SPEF2: variants seen among roughly 807,000 people sequenced by gnomAD.
SPEF2 encodes the protein sperm flagellar and cilia associated 2, also known as sperm flagella and cilia-associated protein 2.
SPEF2 carries 187 observed loss-of-function variants against 224.6 expected under a neutral mutation model. The ratio of observed to expected loss-of-function variants is 0.83; its 90% CI spans 0.74 to 0.94. The LOEUF is 0.94. Ranked by LOEUF, SPEF2 falls within the 40% of genes least tolerant of loss-of-function variation. SPEF2 has a pLI of 0.00. For missense variants in SPEF2, 2,170 were observed against 2,135.6 expected (o/e 1.02, Z -0.32); for synonymous variants, 715 against 707.3 (o/e 1.01, Z -0.17).
chr5:35,628,360 T>C (rs1201159645), intron 1 of SPEF2, 100 bp from the exon 2 acceptor site: 2 of 637,320 alleles, frequency 3.1e-6, no homozygotes, highest in Non-Finnish European at 5.3e-6. Context: ...TGAGTTCCAG[T>C]TAAATTGTGT....
At chr5:35,697,253 A>G (rs937242059) in intron 14 of SPEF2, among the ~76,000 whole-genome samples, 2 of 152,220 alleles carry the variant, frequency 1.3e-5, no homozygotes, top group African/African-American at 4.8e-5. Flanking sequence ...CTAAAAGAAG[A>G]CATCAAACAA....
chr5:35,670,829 C>A (rs1751140905), intron 10 of SPEF2: 1 of 979,344 alleles, frequency 1.0e-6, no homozygotes, highest in Non-Finnish European at 1.2e-6. Context: ...TCATTAAGGG[C>A]TAATAGATTT....
intron 10 of SPEF2, among the ~76,000 whole-genome samples, chr5:35,689,340 C>CCATGCAA (rs1754110721): frequency 6.6e-6 from 1 of 152,050 alleles, no homozygotes; most frequent in Non-Finnish European, 1.5e-5. Flanking sequence ...TAAAATTATA[C>CCATGCAA]CATGCAATAT....
chr5:35,716,480 T>C (rs1272837655), intron 20 of SPEF2, among the ~76,000 whole-genome samples: 1 of 152,134 alleles, frequency 6.6e-6, no homozygotes, highest in Non-Finnish European at 1.5e-5. Context: ...ACACATGCTC[T>C]AAGAGCATCC....
chr5:35,774,128 A>G (rs1415921173), intron 28 of SPEF2, 107 bp downstream of exon 28: 1 of 1,420,618 alleles, frequency 7.0e-7, no homozygotes. Context: ...CTATGAGAAC[A>G]TACAGCAAAG....
intron 26 of SPEF2, among the ~76,000 whole-genome samples, chr5:35,764,192 A>G (rs1327085645): frequency 6.6e-6 from 1 of 152,188 alleles, no homozygotes; most frequent in African/African-American, 2.4e-5. Flanking sequence ...AATATTCTGC[A>G]GAGTCAAGCA....
chr5:35,724,720 C>T (rs1030855750), intron 20 of SPEF2, among the ~76,000 whole-genome samples: 1 of 152,076 alleles, frequency 6.6e-6, no homozygotes, highest in African/African-American at 2.4e-5. Flanking sequence ...GGAGTATCTA[C>T]TCATGTGGCT....
chr5:35,735,607 G>A (rs140825722), intron 21 of SPEF2, among the ~76,000 whole-genome samples: 3,042 of 152,286 alleles, frequency 0.02, 52 homozygotes, highest in Non-Finnish European at 0.032. Flanking sequence ...GAGGAAATTA[G>A]CCCAGATGAC....
In SPEF2 at chr5:35,649,437, G is replaced by A. The variant is rs979757496; in HGVS notation, c.791+12G>A. On this transcript the variant is annotated intron_variant, in intron 6 of 36. Coordinates refer to ENST00000356031, the MANE Select transcript of SPEF2 (RefSeq NM_024867.4). The stretch of plus-strand genomic sequence containing the variant: ...CAAGCAAAAGAAAGGTGAGATGTGA[G>A]CTATTTTAAGAATTACAAAACCGCA... The A allele has an allele frequency of 1.2e-6, 2 of 1,602,762 alleles. No homozygotes were observed. Among genetic ancestry groups the A allele is most frequent in the African/African-American group, 1.3e-5 (1 of 74,416 alleles).
At position 35,771,739 on chromosome 5, in the gene SPEF2, A is replaced by G; in HGVS notation, c.3932A>G (p.Glu1311Gly). ...VKKEPPKKKQ[E>G]DKKPKGKSPP... ...AAGGAGCCACCCAAGAAAAAACAGG[A>G]AGACAAAAAACCCAAAGGTATTTAT... The change falls in exon 27 of 37, where the codon GAA becomes GGA. Residue 1311 changes from glutamate (E) to glycine (G), a missense_variant. Coordinates refer to ENST00000356031, the MANE Select transcript of SPEF2 (RefSeq NM_024867.4). 1 of 1,591,226 alleles carries G rather than the reference A, an allele frequency of 6.3e-7. No individual in the cohort carries two copies. The highest frequency in any genetic ancestry group is 8.5e-7 in the Non-Finnish European group (1 of 1,174,458).
intron 6 of SPEF2, among the ~76,000 whole-genome samples, chr5:35,651,064 A>C (rs764188079): frequency 2.0e-5 from 3 of 152,242 alleles, no homozygotes; most frequent in African/African-American, 4.8e-5. Flanking sequence ...CCCATGTTCC[A>C]GATATCAGGA....
At chr5:35,733,275 C>T (rs946918078) in intron 21 of SPEF2, among the ~76,000 whole-genome samples, 3 of 152,144 alleles carry the variant, frequency 2.0e-5, no homozygotes, top group South Asian at 2.1e-4. Flanking sequence ...CCACCACGCC[C>T]GACTAGTTTT....
At chr5:35,745,490 G>A (rs1748357741) in intron 23 of SPEF2, among the ~76,000 whole-genome samples, 2 of 152,064 alleles carry the variant, frequency 1.3e-5, no homozygotes, top group South Asian at 2.1e-4. Context: ...GGCCCGGTGG[G>A]AGTGAGACCG....
chr5:35,637,911 T>C (rs1031691876), intron 2 of SPEF2, among the ~76,000 whole-genome samples: 5 of 152,208 alleles, frequency 3.3e-5, no homozygotes, highest in African/African-American at 1.2e-4. Flanking sequence ...CAGGAGTTCT[T>C]ATACATATAG....
chr5:35,651,749 C>T (rs1033022292), intron 6 of SPEF2, among the ~76,000 whole-genome samples: 4 of 152,222 alleles, frequency 2.6e-5, no homozygotes, highest in Admixed American at 1.3e-4. Flanking sequence ...GGAGCACTTT[C>T]TGCAGCTGCC....
chr5:35,735,838 A>G (rs1746500959), intron 21 of SPEF2, among the ~76,000 whole-genome samples: 1 of 152,232 alleles, frequency 6.6e-6, no homozygotes, highest in African/African-American at 2.4e-5. Flanking sequence ...TTCTAAATGT[A>G]ATCGGAGAAA....
chr5:35,691,406 A>C (rs1203351086), intron 11 of SPEF2, 150 bp downstream of exon 11: 1 of 653,128 alleles, frequency 1.5e-6, no homozygotes, highest in Admixed American at 3.0e-5. Flanking sequence ...TTTCCAGGCT[A>C]CGATTATTCA....
chr5:35,704,882 T>G (rs73084342), intron 17 of SPEF2, among the ~76,000 whole-genome samples: 4,150 of 152,208 alleles, frequency 0.027, 93 homozygotes, highest in South Asian at 0.055. Flanking sequence ...AAGAATTAAA[T>G]CAGGCAATAC....
intron 21 of SPEF2, among the ~76,000 whole-genome samples, chr5:35,730,129 C>G (rs58671818): frequency 0.018 from 2,723 of 152,208 alleles, 92 homozygotes; most frequent in African/African-American, 0.062. Flanking sequence ...TCTAAGGGCC[C>G]CAGGTAAACC....
Sources: gnomAD v4.1 joint callset for allele counts (sites outside exome capture counted in the v4.1 genomes callset) on GRCh38, gnomAD v4.1.1 for gene constraint, MANE v1.5 for transcripts, NCBI Gene and HGNC (gene_info 2026-07-23, HGNC 2026-07-21) for gene names.